MAST2: variants seen among roughly 807,000 people sequenced by gnomAD.
The protein encoded by MAST2 is microtubule associated serine/threonine kinase 2, also known as microtubule-associated serine/threonine-protein kinase 2.
In MAST2, 70 loss-of-function variants were observed where a neutral mutation model predicts 147.4. The observed-to-expected ratio is 0.47, with a 90% CI of 0.39 to 0.58. The LOEUF (loss-of-function observed/expected upper bound fraction) is 0.58. Ranked by LOEUF, MAST2 falls within the 20% of genes least tolerant of loss-of-function variation. The pLI is 0.00. For missense variants in MAST2, 2,080 were observed against 2,302.3 expected, an observed-to-expected ratio of 0.90 and a Z score of 1.98; for synonymous variants, 869 against 896.8, an observed-to-expected ratio of 0.97 and a Z score of 0.55.
intron 4 of MAST2, among the ~76,000 whole-genome samples, chr1:45,920,164 G>T (rs1234925260): frequency 6.6e-6 from 1 of 152,182 alleles, no homozygotes; most frequent in East Asian, 1.9e-4. Flanking sequence ...TGGGTCCTTA[G>T]TGAGCCCTGA....
At chr1:45,947,951 C>G (rs1490489255) in intron 4 of MAST2, among the ~76,000 whole-genome samples, 1 of 152,166 alleles carries the variant, frequency 6.6e-6, no homozygotes. Flanking sequence ...TTGCTGACCT[C>G]GTGATCCACC....
intron 6 of MAST2, among the ~76,000 whole-genome samples, chr1:46,002,411 G>A (rs1169711961): frequency 6.6e-6 from 1 of 152,094 alleles, no homozygotes. Context: ...CCCTTAACAC[G>A]GAGCCTTCAC....
chr1:45,986,550 C>G (rs1228663072), intron 5 of MAST2, among the ~76,000 whole-genome samples: 2 of 151,948 alleles, frequency 1.3e-5, no homozygotes, highest in Non-Finnish European at 2.9e-5. Context: ...AACCCCGTCT[C>G]TACTAAAAAT....
At chr1:45,813,093 G>A (rs1644351382) in intron 1 of MAST2, among the ~76,000 whole-genome samples, 1 of 151,732 alleles carries the variant, frequency 6.6e-6, no homozygotes, top group Non-Finnish European at 1.5e-5. Context: ...ATCCTCCCAT[G>A]TACTTTAAAT....
chr1:46,019,546 G>A, intron 10 of MAST2, 50 bp from the exon 11 acceptor site: 2 of 1,497,418 alleles, frequency 1.3e-6, no homozygotes, highest in Non-Finnish European at 1.9e-6. Context: ...GTCCTGCTTA[G>A]CCCAGCCACA....
intron 4 of MAST2, among the ~76,000 whole-genome samples, chr1:45,885,130 C>T (rs1045195779): frequency 3.3e-5 from 5 of 152,184 alleles, no homozygotes; most frequent in Admixed American, 3.3e-4. Context: ...CACTGTTTCT[C>T]GTCCTCATAG....
intron 3 of MAST2, among the ~76,000 whole-genome samples, chr1:45,850,338 A>G (rs901307428): frequency 6.6e-6 from 1 of 152,118 alleles, no homozygotes; most frequent in African/African-American, 2.4e-5. Flanking sequence ...TAGAGTCTAG[A>G]TATTAGACCT....
intron 4 of MAST2, among the ~76,000 whole-genome samples, chr1:45,905,236 G>A (rs577370880): frequency 6.1e-4 from 91 of 150,076 alleles, no homozygotes; most frequent in Middle Eastern, 3.4e-3. Flanking sequence ...GAATGCAGTG[G>A]CACCATCTCA....
In MAST2 at chr1:46,033,853, A is replaced by G. The variant is rs1646781595; in HGVS notation, c.3589A>G (p.Lys1197Glu). 1.9e-6 allele frequency: 3 copies of G among 1,614,188 alleles called. No homozygotes were observed. The highest frequency in any genetic ancestry group is 4.5e-5 in the East Asian group (2 of 44,876). The change falls in exon 27 of 29, where the codon AAA becomes GAA. Residue 1197 changes from lysine (K) to glutamate (E), a missense_variant. Coordinates refer to ENST00000361297, the MANE Select transcript of MAST2 (RefSeq NM_015112.3). Reference sequence around the variant, plus strand: ...AACTCCCCTGGAGAACACATCCATTAAAGTGGGGCCAGCTCGGAAGGGCAG... The same window carrying G: ...AACTCCCCTGGAGAACACATCCATTGAAGTGGGGCCAGCTCGGAAGGGCAG... ...STTPLENTSI[K>E]VGPARKGSYK... is the part of the protein sequence containing the mutation.
intron 3 of MAST2, among the ~76,000 whole-genome samples, chr1:45,843,685 T>A (rs6693162): frequency 2.0e-5 from 3 of 152,236 alleles, no homozygotes; most frequent in African/African-American, 4.8e-5. Flanking sequence ...TCAACTTAGA[T>A]AAGAACTGTA....
At chr1:45,827,079 C>G (rs1419346549) in intron 2 of MAST2, among the ~76,000 whole-genome samples, 1 of 152,042 alleles carries the variant, frequency 6.6e-6, no homozygotes, top group African/African-American at 2.4e-5. Flanking sequence ...CCGCCTGCCT[C>G]GGCCTCCCAA....
chr1:45,881,912 C>T (rs1341151142), intron 3 of MAST2, among the ~76,000 whole-genome samples: 1 of 149,094 alleles, frequency 6.7e-6, no homozygotes, highest in Non-Finnish European at 1.5e-5. Flanking sequence ...CATGGTGGCT[C>T]ACACCTGTAA....
chr1:45,883,055 CT>C (rs1289597834), intron 4 of MAST2, among the ~76,000 whole-genome samples: 1 of 152,156 alleles, frequency 6.6e-6, no homozygotes, highest in Non-Finnish European at 1.5e-5. Context: ...ATTAAAATCT[CT>C]GTGTTGGGGC....
At chr1:45,900,792 G>C (rs111928971) in intron 4 of MAST2, among the ~76,000 whole-genome samples, 1 of 152,026 alleles carries the variant, frequency 6.6e-6, no homozygotes, top group African/African-American at 2.4e-5. Context: ...TCATGAGTTT[G>C]TTGGTCACTT....
chr1:45,864,855 C>G lies in MAST2; in HGVS notation c.469-17509C>G, dbSNP rs77103569. Among the ~76,000 whole-genome samples, 1,013 of 152,232 alleles carry G rather than the reference C, an allele frequency of 6.7e-3. 12 individuals are homozygous for G. Among genetic ancestry groups the G allele is most frequent in the African/African-American group, 0.024 (977 of 41,536 alleles). On this transcript the variant is annotated intron_variant, in intron 3 of 28. Coordinates refer to ENST00000361297, the MANE Select transcript of MAST2 (RefSeq NM_015112.3). ...AAGGGGTATGCATGGAAAATGAAAA[C>G]AAATATGAAGTCTTTCCGCTATTTG...
Position 46,031,082 on chromosome 1 carries a change from C to G in MAST2, c.2784C>G (p.Arg928=). ...CAAGCCCTCCAATGACAGTGCGACG[C>G]CGCTGCTCAGGCCTCCTGGATGCGC... The part of the protein sequence containing the change: ...SDSSPPMTVR[R]RCSGLLDAPR... Residue 928 remains arginine, a synonymous_variant, in exon 23 of 29, where the codon CGC becomes CGG. Coordinates refer to ENST00000361297, the MANE Select transcript of MAST2 (RefSeq NM_015112.3). The surrounding 1 kb of genome is among the most constrained non-coding windows in gnomAD (Gnocchi z 4.1). The G allele has an allele frequency of 6.2e-7, 1 of 1,613,494 alleles. No homozygotes were observed. The highest frequency in any genetic ancestry group is 1.1e-5 in the South Asian group (1 of 91,002).
chr1:45,947,105 T>C (rs1192609743), intron 4 of MAST2, among the ~76,000 whole-genome samples: 1 of 152,154 alleles, frequency 6.6e-6, no homozygotes, highest in African/African-American at 2.4e-5. Flanking sequence ...GGGAAAGCTA[T>C]GTAGCATTTC....
chr1:45,847,868 T>C (rs1203906474), intron 3 of MAST2, among the ~76,000 whole-genome samples: 2 of 152,192 alleles, frequency 1.3e-5, no homozygotes, highest in African/African-American at 2.4e-5. Flanking sequence ...TAGGCTGTTA[T>C]TGTCATGTGT....
chr1:45,907,266 GTT>G (rs1459699918), intron 4 of MAST2, among the ~76,000 whole-genome samples: 3 of 152,106 alleles, frequency 2.0e-5, no homozygotes, highest in Non-Finnish European at 4.4e-5. Flanking sequence ...TTCTTTGTGA[GTT>G]TTTATAGTTA....
Sources: allele counts gnomAD v4.1 joint callset (sites outside exome capture counted in the v4.1 genomes callset), GRCh38; gene constraint gnomAD v4.1.1; non-coding constraint Gnocchi (gnomAD v3.1); transcripts MANE v1.5; gene names NCBI Gene and HGNC (gene_info 2026-07-23, HGNC 2026-07-21).